MGA: variants seen among roughly 807,000 people sequenced by gnomAD.
The protein encoded by MGA is MAX gene-associated protein.
MGA carries 40 observed loss-of-function variants against 261.1 expected under a neutral mutation model. The observed-to-expected ratio is 0.15, with a 90% CI of 0.12 to 0.20. The LOEUF is 0.20. Among genes scored for constraint, MGA ranks in the 10% least tolerant of loss-of-function variants. MGA has a pLI of 1.00. For synonymous variants in MGA, 1,302 were observed against 1,290.6 expected, an observed-to-expected ratio of 1.01 and a Z score of -0.19; for missense variants, 3,397 against 3,630.5, an observed-to-expected ratio of 0.94 and a Z score of 1.65.
chr15:41,700,145 C>T (rs762501223), intron 5 of MGA, among the ~76,000 whole-genome samples: 2 of 148,368 alleles, frequency 1.3e-5, no homozygotes, highest in African/African-American at 5.0e-5. Flanking sequence ...CCTGGGTTCA[C>T]ACCACTCTCC....
At chr15:41,681,359 G>A (rs754743388) in intron 2 of MGA, among the ~76,000 whole-genome samples, 8 of 144,600 alleles carry the variant, frequency 5.5e-5, no homozygotes, top group East Asian at 2.0e-4. Flanking sequence ...TATATGGGCC[G>A]TTTAGTTGTT....
chr15:41,653,153 G>C (rs2057102080), intron 1 of MGA, among the ~76,000 whole-genome samples: 1 of 152,090 alleles, frequency 6.6e-6, no homozygotes, highest in Non-Finnish European at 1.5e-5. Flanking sequence ...GATCACCTGA[G>C]GTCAGGAGTT....
At chr15:41,630,187 C>T (rs956362096) in intron 1 of MGA, among the ~76,000 whole-genome samples, 1 of 152,128 alleles carries the variant, frequency 6.6e-6, no homozygotes, top group African/African-American at 2.4e-5. Flanking sequence ...GCCTGGAATA[C>T]TCTTTCTCCT....
At chr15:41,676,473 CAA>C (rs753114511) in intron 2 of MGA, among the ~76,000 whole-genome samples, 41 of 152,210 alleles carry the variant, frequency 2.7e-4, no homozygotes, top group Non-Finnish European at 5.1e-4. Flanking sequence ...ATATTTAAAA[CAA>C]GAATTAATTC....
chr15:41,665,375 A>C (rs923694561), intron 1 of MGA, among the ~76,000 whole-genome samples: 1 of 151,614 alleles, frequency 6.6e-6, no homozygotes, highest in Non-Finnish European at 1.5e-5. Flanking sequence ...TGATTTTAGC[A>C]ATCAGATTTC....
rs1257265628 is a variant in MGA at position 41,749,240 on chromosome 15, A to G, written c.5633A>G (p.Asn1878Ser). 6.2e-7 allele frequency: 1 copy of G among 1,614,004 alleles called. No homozygotes were observed. Among genetic ancestry groups the G allele is most frequent in the Non-Finnish European group, 8.5e-7 (1 of 1,179,894 alleles). Reference sequence around the variant, plus strand: ...GCTGTTGGGTCTTCTTCAGCAGTGAATGTTATCACTCAGGCACCATCATTG... The same window carrying G: ...GCTGTTGGGTCTTCTTCAGCAGTGAGTGTTATCACTCAGGCACCATCATTG... Residue 1878 changes from asparagine (N) to serine (S), a missense_variant, in exon 17 of 24, where the codon AAT (asparagine) becomes AGT (serine). Asn to Ser is a conservative substitution (Grantham distance 46, BLOSUM62 1). Coordinates refer to ENST00000219905, the MANE Select transcript of MGA (RefSeq NM_001164273.2).
chr15:41,750,122 A>G lies in MGA; in HGVS notation c.6515A>G (p.Glu2172Gly), dbSNP rs539009219. 56 of 1,613,636 alleles carry G rather than the reference A, an allele frequency of 3.5e-5. No homozygotes were observed. The South Asian group carries it at 5.6e-4, about 16-fold the overall frequency. ...GGAGACTCTCTGGAGAAAGACAGGGAAAGATGGAGAAAACATCTGAAGGGC... is the reference window on the plus strand; with the variant it reads ...GGAGACTCTCTGGAGAAAGACAGGGGAAGATGGAGAAAACATCTGAAGGGC... The change falls in exon 17 of 24, where the codon GAA becomes GGA. Residue 2172 changes from glutamate to glycine, a missense_variant. Glu to Gly is a moderately conservative substitution (Grantham distance 98). Transcript: ENST00000219905.
chr15:41,747,765 T>G (rs138052753), intron 15 of MGA, among the ~76,000 whole-genome samples: 39 of 152,312 alleles, frequency 2.6e-4, no homozygotes, highest in African/African-American at 7.0e-4. Context: ...TTTAGAGAGA[T>G]AACCATGTTT....
At chr15:41,682,163 T>C (rs1312640698) in intron 2 of MGA, among the ~76,000 whole-genome samples, 1 of 152,176 alleles carries the variant, frequency 6.6e-6, no homozygotes, top group Admixed American at 6.5e-5. Flanking sequence ...GTGATCTGCC[T>C]GCCTCAGCCA....
At chr15:41,629,105 C>CAA (rs71108108) in intron 1 of MGA, among the ~76,000 whole-genome samples, 8,246 of 77,622 alleles carry the variant, frequency 0.11, 423 homozygotes, top group Non-Finnish European at 0.16. Flanking sequence ...GACTTCGTCT[C>CAA]AAAAAAAAAA....
In MGA at chr15:41,696,614, C is replaced by T. The variant is rs749415161; in HGVS notation, c.1604C>T (p.Pro535Leu). ...GAAAATGGTCTTAGAAAACATTCACCAGATCTCAGAGTGGTACAAAAATAT... is the reference window on the plus strand; with the variant it reads ...GAAAATGGTCTTAGAAAACATTCACTAGATCTCAGAGTGGTACAAAAATAT... Residue 535 changes from proline (P) to leucine (L), a missense_variant, in exon 3 of 24, where the codon CCA becomes CTA. Physicochemically the swap from Pro to Leu is moderately conservative, Grantham distance 98. Coordinates refer to ENST00000219905, the MANE Select transcript of MGA (RefSeq NM_001164273.2). 1.2e-6 allele frequency: 2 copies of T among 1,613,650 alleles called. No individual in the cohort carries two copies. Among genetic ancestry groups the T allele is most frequent in the Admixed American group, 1.7e-5 (1 of 59,964 alleles).
At chr15:41,679,158 C>T (rs921833899) in intron 2 of MGA, among the ~76,000 whole-genome samples, 3 of 152,086 alleles carry the variant, frequency 2.0e-5, no homozygotes, top group Admixed American at 6.6e-5. Context: ...GTGTCAGCCT[C>T]CTGAGTAGCT....
intron 11 of MGA, among the ~76,000 whole-genome samples, chr15:41,731,853 C>T (rs986457485): frequency 2.0e-5 from 3 of 152,280 alleles, no homozygotes; most frequent in Admixed American, 6.5e-5. Context: ...AGTAAAAACA[C>T]GAATAAGGGT....
Position 41,749,576 on chromosome 15 carries a change from CGAA to C in MGA, c.5974_5976del (p.Lys1992del). On this transcript the variant is annotated inframe_deletion, in exon 17 of 24. Transcript: ENST00000219905. ...AACTCAATAAAAAGAGAGCAAGAAA[CGAA>C]GAAGGTTCTACAGTCAGAAGGAGAG... is the stretch of plus-strand genomic sequence containing the variant. The C allele has an allele frequency of 6.2e-7, 1 of 1,613,832 alleles. No individual in the cohort carries two copies. Among genetic ancestry groups the C allele is most frequent in the Non-Finnish European group, 8.5e-7 (1 of 1,179,860 alleles).
At position 41,698,882 on chromosome 15, in the gene MGA, C is replaced by T. The variant is rs2059687284; in HGVS notation, c.2033C>T (p.Ala678Val). 1 of 1,547,142 alleles carries T rather than the reference C, an allele frequency of 6.5e-7. No homozygotes were observed. Among genetic ancestry groups the T allele is most frequent in the Non-Finnish European group, 8.7e-7 (1 of 1,145,590 alleles). ...GTATAGGAAGCTCTAGACATTCATG[C>T]AGTTGATGGGACAACAGAAGAATCT... The change falls in exon 4 of 24, where the codon GCA becomes GTA. Residue 678 changes from alanine to valine, a missense_variant. Around this residue, in one of 9 missense-constraint regions of MGA, gnomAD observed 563 missense variants for 563.6 expected, o/e 1.00. Transcript: ENST00000219905.
At chr15:41,650,845 T>C (rs1182615074) in intron 1 of MGA, among the ~76,000 whole-genome samples, 1 of 152,238 alleles carries the variant, frequency 6.6e-6, no homozygotes, top group African/African-American at 2.4e-5. Context: ...GACTTGTAGA[T>C]TGGATAAATA....
In MGA at chr15:41,750,245, A is replaced by T. The variant is rs376734648; in HGVS notation, c.6638A>T (p.Asp2213Val). The T allele has an allele frequency of 6.2e-7, 1 of 1,613,972 alleles. No homozygotes were observed. Among genetic ancestry groups the T allele is most frequent in the Non-Finnish European group, 8.5e-7 (1 of 1,179,886 alleles). Residue 2213 changes from aspartate (D) to valine (V), a missense_variant, in exon 17 of 24, where the codon GAT (aspartate) becomes GTT (valine). Asp to Val is a radical substitution (Grantham distance 152, BLOSUM62 -3). Transcript: ENST00000219905. The stretch of plus-strand genomic sequence containing the variant: ...ACAAAGACATGTCAGGAAAATTCAG[A>T]TGTGTTTCAGCAAGAACAAGGCATC...
chr15:41,679,455 C>A (rs766633870), intron 2 of MGA, among the ~76,000 whole-genome samples: 2 of 152,014 alleles, frequency 1.3e-5, no homozygotes, highest in African/African-American at 2.4e-5. Flanking sequence ...GGATATCTTT[C>A]CATTTTAATT....
At chr15:41,632,153 C>G (rs574768223) in intron 1 of MGA, among the ~76,000 whole-genome samples, 1 of 152,314 alleles carries the variant, frequency 6.6e-6, no homozygotes, top group Admixed American at 6.5e-5. Context: ...GTACTACTTT[C>G]AGGCCTCTAG....
Sources: gnomAD v4.1 joint callset for allele counts (sites outside exome capture counted in the v4.1 genomes callset) on GRCh38, gnomAD v4.1.1 for gene constraint, gnomAD v4.1.1 regional missense constraint, MANE v1.5 for transcripts, NCBI Gene and HGNC (gene_info 2026-07-23, HGNC 2026-07-21) for gene names.